The following RANBP2 variants were observed in gnomAD, a reference collection of about 807,000 sequenced individuals.
RANBP2 encodes the protein RAN binding protein 2, also known as E3 SUMO-protein ligase RanBP2.
Under a neutral mutation model 303.6 loss-of-function variants are expected in RANBP2, and 57 were observed. The observed-to-expected ratio is 0.19, with a 90% CI of 0.15 to 0.23. The LOEUF (loss-of-function observed/expected upper bound fraction) is 0.23, where lower values mean the gene tolerates loss of function less well. Among genes scored for constraint, RANBP2 ranks in the 10% least tolerant of loss-of-function variants. The pLI, the probability that RANBP2 is intolerant of heterozygous loss-of-function variation, is 1.00. For synonymous variants in RANBP2, 1,167 were observed against 1,301.5 expected (o/e 0.90, Z 2.23); for missense variants, 3,138 against 3,780.8 (o/e 0.83, Z 4.46).
the RANBP2 span, among the ~76,000 whole-genome samples, chr2:109,185,763 T>C: frequency 6.6e-6 from 1 of 152,234 alleles, no homozygotes; most frequent in East Asian, 1.9e-4. Context: ...TTTTATATTG[T>C]GATTTCAAAT....
At chr2:109,634,190 A>T in the RANBP2 span, among the ~76,000 whole-genome samples, 2 of 151,680 alleles carry the variant, frequency 1.3e-5, no homozygotes, top group African/African-American at 4.8e-5. Flanking sequence ...GTATTCAAAG[A>T]TATAATAGCC....
the RANBP2 span, among the ~76,000 whole-genome samples, chr2:108,817,095 A>T: frequency 1.3e-5 from 2 of 152,214 alleles, no homozygotes; most frequent in African/African-American, 4.8e-5. Flanking sequence ...ACCATAGCAC[A>T]TGGCAAAAGG....
At chr2:109,232,326 G>C in the RANBP2 span, among the ~76,000 whole-genome samples, 1 of 152,148 alleles carries the variant, frequency 6.6e-6, no homozygotes, top group African/African-American at 2.4e-5. Flanking sequence ...CATTTTTTCA[G>C]AGTTGGAAAA....
the RANBP2 span, among the ~76,000 whole-genome samples, chr2:109,166,044 T>G: frequency 6.6e-6 from 1 of 152,192 alleles, no homozygotes; most frequent in African/African-American, 2.4e-5. Flanking sequence ...GATACATACC[T>G]TGGTGAGCCT....
At chr2:109,412,416 C>T in the RANBP2 span, among the ~76,000 whole-genome samples, 2 of 152,244 alleles carry the variant, frequency 1.3e-5, no homozygotes, top group Admixed American at 6.5e-5. Flanking sequence ...TGGTTTGGGA[C>T]AGCTTGGCTG....
the RANBP2 span, among the ~76,000 whole-genome samples, chr2:109,552,115 G>A: frequency 6.6e-6 from 1 of 152,212 alleles, no homozygotes; most frequent in Admixed American, 6.5e-5. Flanking sequence ...CTGTGCATGT[G>A]AGGGATCTTG....
At chr2:109,219,080 C>T in the RANBP2 span, among the ~76,000 whole-genome samples, 1 of 152,106 alleles carries the variant, frequency 6.6e-6, no homozygotes. Flanking sequence ...TGGATGGTTC[C>T]CAACTTTCCA....
chr2:109,503,522 T>G, the RANBP2 span: 1 of 152,150 alleles, frequency 6.6e-6, no homozygotes, highest in East Asian at 1.9e-4. Context: ...GGCTTAAACA[T>G]AGTAACTTCT....
the RANBP2 span, among the ~76,000 whole-genome samples, chr2:109,710,084 C>CT: frequency 7.5e-6 from 1 of 133,134 alleles, no homozygotes; most frequent in Admixed American, 7.9e-5. Context: ...AAGACTCCGT[C>CT]TCAAAAAAAA....
At chr2:108,999,183 C>T in the RANBP2 span, among the ~76,000 whole-genome samples, 1 of 152,188 alleles carries the variant, frequency 6.6e-6, no homozygotes, top group Admixed American at 6.5e-5. Context: ...GCTTAACCTC[C>T]AGAAGCCCTG....
chr2:109,367,825 A>C, the RANBP2 span, among the ~76,000 whole-genome samples: 1 of 152,194 alleles, frequency 6.6e-6, no homozygotes, highest in African/African-American at 2.4e-5. Context: ...AGGAGTGGCT[A>C]TTTGTAGCTC....
At chr2:109,520,158 G>A in the RANBP2 span, among the ~76,000 whole-genome samples, 1 of 152,226 alleles carries the variant, frequency 6.6e-6, no homozygotes, top group Non-Finnish European at 1.5e-5. Flanking sequence ...TTTAGTGAAG[G>A]ATATGTGGGA....
the RANBP2 span, among the ~76,000 whole-genome samples, chr2:109,728,254 G>A: frequency 2.0e-5 from 3 of 152,040 alleles, 1 homozygote; most frequent in South Asian, 6.2e-4. Flanking sequence ...GCCCAGTCAA[G>A]TTCCCCCAGA....
the RANBP2 span, among the ~76,000 whole-genome samples, chr2:109,000,363 C>T: frequency 2.0e-5 from 3 of 151,930 alleles, no homozygotes; most frequent in African/African-American, 7.3e-5. Context: ...CCCCTCTCTA[C>T]AAAAAATTTA....
At chr2:109,501,352 G>C in the RANBP2 span, 1 of 504,524 alleles carries the variant, frequency 2.0e-6, no homozygotes, top group South Asian at 3.5e-5. Flanking sequence ...CCAGAGTTTT[G>C]AAAAAATTAA....
the RANBP2 span, among the ~76,000 whole-genome samples, chr2:109,219,060 G>A: frequency 1.3e-5 from 2 of 152,094 alleles, no homozygotes. Context: ...TCATTTAGCT[G>A]ACCTTAATTT....
chr2:108,719,735 C>A (rs1220051475), intron 1 of RANBP2, 57 bp downstream of exon 1: 2 of 1,550,650 alleles, frequency 1.3e-6, no homozygotes, highest in Non-Finnish European at 1.7e-6. Flanking sequence ...CGGCCTCGCG[C>A]TGCTCAGGCG....
chr2:108,798,814 C>T, the RANBP2 span, among the ~76,000 whole-genome samples: 3 of 109,568 alleles, frequency 2.7e-5, no homozygotes, highest in African/African-American at 7.8e-5. Flanking sequence ...CCTCTCCACA[C>T]CTACACACAC....
chr2:108,724,895 T>A (rs1694572552), intron 1 of RANBP2, among the ~76,000 whole-genome samples: 1 of 151,872 alleles, frequency 6.6e-6, no homozygotes, highest in South Asian at 2.1e-4. Flanking sequence ...AGATGGGTTT[T>A]TGGAGGATTT....
Sources: allele counts gnomAD v4.1 joint callset (sites outside exome capture counted in the v4.1 genomes callset), GRCh38; gene constraint gnomAD v4.1.1; transcripts MANE v1.5; gene names NCBI Gene and HGNC (gene_info 2026-07-23, HGNC 2026-07-21).